Variants in EP400 observed in about 807,000 individuals in gnomAD.
EP400 encodes E1A-binding protein p400.
A neutral mutation model predicts 354.1 loss-of-function variants in EP400; 105 were observed. That is an observed-to-expected ratio of 0.30 (90% CI 0.25 to 0.35). The LOEUF (loss-of-function observed/expected upper bound fraction) is 0.35. Among genes scored for constraint, EP400 ranks in the 10% least tolerant of loss-of-function variants. The pLI is 1.00. For missense variants in EP400, 3,280 were observed against 4,121.0 expected (o/e 0.80, Z 5.59); for synonymous variants, 1,646 against 1,716.9 (o/e 0.96, Z 1.02).
At chr12:132,032,204 G>A in intron 30 of EP400, 55 bp downstream of exon 30, 1 of 1,546,430 alleles carries the variant, frequency 6.5e-7, no homozygotes, top group Non-Finnish European at 8.7e-7. Flanking sequence ...ACATATACAG[G>A]TGAGGGCCTG....
At chr12:132,072,714 A>G (rs1200148083) in intron 51 of EP400, among the ~76,000 whole-genome samples, 1 of 152,188 alleles carries the variant, frequency 6.6e-6, no homozygotes, top group Non-Finnish European at 1.5e-5. Flanking sequence ...TGTCCTGCCA[A>G]TCACTTGTGT....
chr12:132,022,598 C>A (rs11831807), intron 23 of EP400, among the ~76,000 whole-genome samples: 4,393 of 151,322 alleles, frequency 0.029, 220 homozygotes, highest in African/African-American at 0.099. Context: ...GAGTTGGGGG[C>A]AAATGACCAC....
chr12:132,028,118 G>T lies in EP400; in HGVS notation c.5211G>T (p.Arg1737Ser), dbSNP rs142820013. Residue 1737 changes from arginine (R) to serine (S), a missense_variant, in exon 27 of 53, where the codon AGG becomes AGT. This residue lies in a region of EP400 where 459 missense variants were observed against 496.9 expected (regional missense o/e 0.92). Transcript: ENST00000389561. ...QAPVYGRDLL[R>S]ICALPSHGRV... ...CAGTCTATGGCAGAGACTTGCTAAG[G>T]ATTTGTGCCCTGCCTAGCCATGGAA... 6.2e-7 allele frequency: 1 copy of T among 1,614,224 alleles called. No homozygotes were observed. The highest frequency in any genetic ancestry group is 8.5e-7 in the Non-Finnish European group (1 of 1,180,042).
intron 1 of EP400, among the ~76,000 whole-genome samples, chr12:131,952,824 A>G (rs777735086): frequency 7.0e-4 from 106 of 152,232 alleles, no homozygotes; most frequent in South Asian, 1.2e-3. Flanking sequence ...CTGATGGACC[A>G]TTTGGATTGT....
At position 131,990,795 on chromosome 12, in the gene EP400, G is replaced by A. The variant is rs548929713; in HGVS notation, c.2629+81G>A. 1.6e-5 allele frequency: 17 copies of A among 1,039,098 alleles called. No individual in the cohort carries two copies. The highest frequency in any genetic ancestry group is 4.3e-5 in the South Asian group (3 of 69,704). 64.4% of individuals were successfully genotyped at this position (1,039,098 alleles called of 1,614,324 possible). ...TTTTCTCAGCAGGCAGTCTCCTGGC[G>A]CTGTGGCTTCCCACAGAGGACATCT... On this transcript the variant is annotated intron_variant, in intron 9 of 52. Coordinates refer to ENST00000389561, the MANE Select transcript of EP400 (RefSeq NM_015409.5). This position sits in a 1 kb window ranked among gnomAD's most constrained non-coding sequence, Gnocchi z 4.2.
intron 30 of EP400, among the ~76,000 whole-genome samples, chr12:132,036,797 A>G (rs1270070970): frequency 6.6e-6 from 1 of 152,234 alleles, no homozygotes; most frequent in Non-Finnish European, 1.5e-5. Context: ...TTTAAAGGCC[A>G]GGAAAGTCTT....
chr12:132,065,126 G>C (rs962266894), intron 48 of EP400: 17 of 713,534 alleles, frequency 2.4e-5, no homozygotes, highest in Non-Finnish European at 6.7e-6. Flanking sequence ...CTTGAATTGA[G>C]GGGGGTGGAG....
At position 132,013,938 on chromosome 12, in the gene EP400, C is replaced by T. The variant is rs1413142105; in HGVS notation, c.3923+25C>T. On this transcript the variant is annotated intron_variant, in intron 19 of 52. Transcript: ENST00000389561. This position sits in a 1 kb window ranked among gnomAD's most constrained non-coding sequence, Gnocchi z 4.5. ...GGTGAGTGTGGGCTCTGGGCATGTGCCCCCTTTGCTGTCCCTGCCTGTGAG... is the reference window on the plus strand; with the variant it reads ...GGTGAGTGTGGGCTCTGGGCATGTGTCCCCTTTGCTGTCCCTGCCTGTGAG... 4 of 1,611,264 alleles carry T rather than the reference C, an allele frequency of 2.5e-6. No individual in the cohort carries two copies. In the South Asian group the frequency reaches 3.3e-5, roughly 13 times the overall value.
chr12:132,011,973 G>T (rs1479796018), intron 16 of EP400, among the ~76,000 whole-genome samples: 1 of 152,222 alleles, frequency 6.6e-6, no homozygotes, highest in South Asian at 2.1e-4. Context: ...CACAGGCACA[G>T]AGGAGAAGCT....
intron 25 of EP400, among the ~76,000 whole-genome samples, chr12:132,026,560 T>G (rs1363491667): frequency 6.6e-6 from 1 of 152,142 alleles, no homozygotes; most frequent in Non-Finnish European, 1.5e-5. Flanking sequence ...GCCAGCATGG[T>G]CAGCAGTTCC....
intron 7 of EP400, 26 bp downstream of exon 7, chr12:131,987,916 G>A (rs1416704174): frequency 6.4e-7 from 1 of 1,568,348 alleles, no homozygotes; most frequent in Non-Finnish European, 8.7e-7. Flanking sequence ...TGGAGCTGCT[G>A]TGCTGTGTGC....
intron 4 of EP400, 103 bp downstream of exon 4, chr12:131,981,699 G>A: frequency 1.0e-6 from 1 of 953,240 alleles, no homozygotes; most frequent in South Asian, 1.6e-5. Flanking sequence ...GAGGTAGCGT[G>A]TTTGCAGTGG....
At chr12:132,009,579 G>A (rs1167213363) in intron 15 of EP400, among the ~76,000 whole-genome samples, 1 of 152,172 alleles carries the variant, frequency 6.6e-6, no homozygotes, top group East Asian at 1.9e-4. Context: ...AGGGGACGGT[G>A]GGGGATGACA....
At chr12:132,056,806 G>C (rs1260441466) in intron 45 of EP400, among the ~76,000 whole-genome samples, 1 of 152,190 alleles carries the variant, frequency 6.6e-6, no homozygotes, top group Non-Finnish European at 1.5e-5. Flanking sequence ...GAAAAGCATA[G>C]ACTGGGAGAA....
rs1400718696 is a variant in EP400 at position 132,070,723 on chromosome 12, G to A, written c.9021+1082G>A. 6.6e-6 allele frequency among the ~76,000 whole-genome samples: 1 copy of A among 152,096 alleles called. No individual in the cohort carries two copies. The highest frequency in any genetic ancestry group is 1.5e-5 in the Non-Finnish European group (1 of 68,016). On this transcript the variant is annotated intron_variant, in intron 51 of 52. Coordinates refer to ENST00000389561, the MANE Select transcript of EP400 (RefSeq NM_015409.5). The surrounding 1 kb of genome is among the most constrained non-coding windows in gnomAD (Gnocchi z 4.1). ...ATATGATGCATCTTTTGTTACTTAA[G>A]TCTTTTTTAATGCCTTTTAATGAAG...
chr12:131,977,010 C>T (rs1892501292), intron 2 of EP400, among the ~76,000 whole-genome samples: 2 of 152,220 alleles, frequency 1.3e-5, no homozygotes. Flanking sequence ...AAACTGGAAA[C>T]CTTACCGTGT....
Position 131,957,504 on chromosome 12 carries a change from C to A in EP400, c.-35-3081C>A, listed in dbSNP as rs150328460. The stretch of plus-strand genomic sequence containing the variant: ...TTTTCCTGTCACCTACCAGAAGGAA[C>A]GTTTTGATTTTTCTTTCTTTCTTTT... On this transcript the variant is annotated intron_variant, in intron 1 of 52. Transcript: ENST00000389561. 3.9e-3 allele frequency among the ~76,000 whole-genome samples: 568 copies of A among 144,512 alleles called. 3 individuals carry two copies. The highest frequency in any genetic ancestry group is 0.016 in the South Asian group (73 of 4,572). The allele number at this position is 144,512 out of a possible 152,430, so 94.8% of individuals were successfully genotyped here.
Position 132,067,272 on chromosome 12 carries a change from C to T in EP400, c.8750-90C>T. On this transcript the variant is annotated intron_variant, in intron 49 of 52. Coordinates refer to ENST00000389561, the MANE Select transcript of EP400 (RefSeq NM_015409.5). The surrounding 1 kb of genome is among the most constrained non-coding windows in gnomAD (Gnocchi z 5.3). ...ATAGAGTTTCATAGTTTGTTATTTT[C>T]TGTAGAGGTGAGTCAGTTGGAACAG... 6.5e-7 allele frequency: 1 copy of T among 1,529,146 alleles called. No homozygotes were observed. The highest frequency in any genetic ancestry group is 8.8e-7 in the Non-Finnish European group (1 of 1,134,014). 94.7% of individuals were successfully genotyped at this position (1,529,146 alleles called of 1,614,324 possible). A position where few individuals can be genotyped will look rare whatever the true frequency, so the allele number is the denominator to read the frequency against.
chr12:131,966,562 C>CA (rs534384776), intron 2 of EP400, among the ~76,000 whole-genome samples: 1,569 of 57,044 alleles, frequency 0.028, 32 homozygotes, highest in Non-Finnish European at 0.038. Flanking sequence ...TACCCTACCT[C>CA]AAAAAAAAAA....
Sources: allele counts gnomAD v4.1 joint callset (sites outside exome capture counted in the v4.1 genomes callset), GRCh38; gene constraint gnomAD v4.1.1; regional missense constraint gnomAD v4.1.1; non-coding constraint Gnocchi (gnomAD v3.1); transcripts MANE v1.5; gene names NCBI Gene and HGNC (gene_info 2026-07-23, HGNC 2026-07-21).